Variants in SCAPER observed in about 807,000 individuals in gnomAD.
The protein encoded by SCAPER is S phase cyclin A-associated protein in the endoplasmic reticulum.
In SCAPER, 98 loss-of-function variants were observed where a neutral mutation model predicts 182.2. The observed-to-expected ratio is 0.54, with a 90% confidence interval of 0.46 to 0.64. The LOEUF (loss-of-function observed/expected upper bound fraction) is 0.64, where lower values mean the gene tolerates loss of function less well. Among genes scored for constraint, SCAPER ranks in the 30% least tolerant of loss-of-function variants. The pLI, the probability that SCAPER is intolerant of heterozygous loss-of-function variation, is 0.00. For synonymous variants in SCAPER, 605 were observed against 564.6 expected (o/e 1.07, Z -1.01); for missense variants, 1,432 against 1,690.0 (o/e 0.85, Z 2.68).
chr15:76,501,041 TAA>T (rs749711298), intron 24 of SCAPER, among the ~76,000 whole-genome samples: 20 of 136,452 alleles, frequency 1.5e-4, no homozygotes, highest in Non-Finnish European at 1.5e-4. Context: ...AAACCCTGTC[TAA>T]AAAAAAAAAA....
At position 76,772,214 on chromosome 15, in the gene SCAPER, G is replaced by A. The variant is rs187602445; in HGVS notation, c.1036-260C>T. On this transcript the variant is annotated intron_variant, in intron 9 of 31. Transcript: ENST00000563290. ...TCTAAGAAATTAAGCAATTTATATT[G>A]TAATTTTCTTGTAGTAGGCCAATTT... Among the ~76,000 whole-genome samples the A allele has an allele frequency of 1.1e-3, 160 of 152,068 alleles. 3 individuals carry two copies. The highest frequency in any genetic ancestry group is 3.8e-3 in the African/African-American group (157 of 41,550).
chr15:76,832,159 C>T (rs1276089290), intron 5 of SCAPER, among the ~76,000 whole-genome samples: 1 of 152,188 alleles, frequency 6.6e-6, no homozygotes, highest in Non-Finnish European at 1.5e-5. Flanking sequence ...AAATGAAAGA[C>T]CTACAACTCA....
At chr15:76,560,762 A>G (rs2046553774) in intron 23 of SCAPER, among the ~76,000 whole-genome samples, 1 of 152,212 alleles carries the variant, frequency 6.6e-6, no homozygotes, top group African/African-American at 2.4e-5. Flanking sequence ...AGTATCAAAG[A>G]AAAGTGAATT....
chr15:76,832,713 T>A (rs2068598177), intron 5 of SCAPER, among the ~76,000 whole-genome samples: 1 of 152,094 alleles, frequency 6.6e-6, no homozygotes, highest in African/African-American at 2.4e-5. Flanking sequence ...CATGACAGAG[T>A]TCTCACGAGA....
chr15:76,605,961 C>T (rs1020975351), intron 22 of SCAPER, among the ~76,000 whole-genome samples: 9 of 152,042 alleles, frequency 5.9e-5, no homozygotes, highest in African/African-American at 1.4e-4. Context: ...CTGATCTTTT[C>T]GAAAAACCAG....
intron 22 of SCAPER, among the ~76,000 whole-genome samples, chr15:76,605,945 A>C (rs1388493694): frequency 6.6e-6 from 1 of 151,926 alleles, no homozygotes; most frequent in Non-Finnish European, 1.5e-5. Context: ...CGGTCTATCA[A>C]TTTTGCTGAT....
intron 22 of SCAPER, among the ~76,000 whole-genome samples, chr15:76,620,119 CT>C (rs1177005672): frequency 6.6e-6 from 1 of 151,950 alleles, no homozygotes; most frequent in Non-Finnish European, 1.5e-5. Context: ...TATTTTACTT[CT>C]TTTTATTGCT....
chr15:76,354,230 A>C lies in SCAPER; in HGVS notation c.3856-90T>G. On this transcript the variant is annotated intron_variant, in intron 29 of 31. Transcript: ENST00000563290. The surrounding 1 kb of genome is among the most constrained non-coding windows in gnomAD (Gnocchi z 4.4). ...ACAGTGTCGGCTAGTACCATGGAAA[A>C]CATGCTGAAGGAGTGTAAAGAAAAA... is the stretch of plus-strand genomic sequence containing the variant. 1 of 1,230,674 alleles carries C rather than the reference A, an allele frequency of 8.1e-7. No homozygotes were observed. Among genetic ancestry groups the C allele is most frequent in the Non-Finnish European group, 1.1e-6 (1 of 899,792 alleles). 76.2% of individuals were successfully genotyped at this position (1,230,674 alleles called of 1,614,324 possible).
At chr15:76,806,045 T>C (rs1357519476) in intron 5 of SCAPER, among the ~76,000 whole-genome samples, 2 of 152,224 alleles carry the variant, frequency 1.3e-5, no homozygotes, top group Admixed American at 6.5e-5. Flanking sequence ...TTCCATTTGA[T>C]AGTATCCTTT....
At chr15:76,857,716 T>C (rs2071522749) in intron 4 of SCAPER, 93 bp downstream of exon 4, 1 of 855,080 alleles carries the variant, frequency 1.2e-6, no homozygotes, top group Admixed American at 3.0e-5. Flanking sequence ...ATAAATAATA[T>C]TCAAATCCTG....
At chr15:76,871,572 C>CTTTT (rs1178328861) in intron 2 of SCAPER, among the ~76,000 whole-genome samples, 1 of 123,194 alleles carries the variant, frequency 8.1e-6, no homozygotes, top group Non-Finnish European at 1.7e-5. Context: ...TTACAATTTG[C>CTTTT]TTTTTTTTTT....
intron 8 of SCAPER, among the ~76,000 whole-genome samples, chr15:76,791,601 T>C (rs2065011552): frequency 6.6e-6 from 1 of 151,924 alleles, no homozygotes; most frequent in Admixed American, 6.6e-5. Flanking sequence ...CTGCAGGGAA[T>C]TGAGTCAAAA....
At chr15:76,623,827 G>A (rs1312632112) in intron 21 of SCAPER, among the ~76,000 whole-genome samples, 3 of 151,856 alleles carry the variant, frequency 2.0e-5, no homozygotes, top group Non-Finnish European at 4.4e-5. Flanking sequence ...CTCAATAGAT[G>A]CAGAAGAAGT....
At chr15:76,489,526 C>T (rs944022090) in intron 24 of SCAPER, among the ~76,000 whole-genome samples, 1 of 151,852 alleles carries the variant, frequency 6.6e-6, no homozygotes, top group Non-Finnish European at 1.5e-5. Flanking sequence ...AATTGTGCCA[C>T]ATGTAGCTGT....
intron 20 of SCAPER, among the ~76,000 whole-genome samples, chr15:76,689,169 G>C (rs1255401186): frequency 6.6e-6 from 1 of 150,574 alleles, no homozygotes; most frequent in Non-Finnish European, 1.5e-5. Context: ...TTCTTAAAAA[G>C]GAAAAAAAAT....
chr15:76,765,652 AG>A lies in SCAPER; in HGVS notation c.1420-15del. The A allele has an allele frequency of 6.4e-7, 1 of 1,558,464 alleles. No homozygotes were observed. Among genetic ancestry groups the A allele is most frequent in the Non-Finnish European group, 8.7e-7 (1 of 1,148,692 alleles). The stretch of plus-strand genomic sequence containing the variant: ...GCCCATGCTGGCCTAAAATGTAATA[AG>A]GGAAGTTGAAAATCAAATCTTTGAA... On this transcript the variant is annotated splice_polypyrimidine_tract_variant and intron_variant, in intron 11 of 31. Transcript: ENST00000563290.
At chr15:76,436,106 C>G (rs2142567262) in intron 25 of SCAPER, among the ~76,000 whole-genome samples, 1 of 152,244 alleles carries the variant, frequency 6.6e-6, no homozygotes, top group South Asian at 2.1e-4. Flanking sequence ...CTCACTCTGT[C>G]ATCCAGACTG....
intron 23 of SCAPER, among the ~76,000 whole-genome samples, chr15:76,561,944 G>A (rs1355276133): frequency 2.6e-5 from 4 of 151,068 alleles, no homozygotes; most frequent in Admixed American, 1.3e-4. Context: ...TCAGGAGTTC[G>A]AAACCCACCT....
At chr15:76,728,491 A>C in intron 17 of SCAPER, 104 bp downstream of exon 17, 5 of 1,475,620 alleles carry the variant, frequency 3.4e-6, no homozygotes, top group Non-Finnish European at 4.6e-6. Context: ...GAACATCGCA[A>C]AACCTCATCT....
Sources: gnomAD v4.1 joint callset for allele counts (sites outside exome capture counted in the v4.1 genomes callset) on GRCh38, gnomAD v4.1.1 for gene constraint, Gnocchi (gnomAD v3.1) non-coding constraint, MANE v1.5 for transcripts, NCBI Gene and HGNC (gene_info 2026-07-23, HGNC 2026-07-21) for gene names.